The following ARHGEF28 variants were observed in gnomAD, a reference collection of about 807,000 sequenced individuals.
The protein encoded by ARHGEF28 is Rho guanine nucleotide exchange factor 28, also known as 190 kDa guanine nucleotide exchange factor.
In ARHGEF28, 152 loss-of-function variants were observed where a neutral mutation model predicts 206.6. That is an observed-to-expected ratio of 0.74 (90% CI 0.64 to 0.84). ARHGEF28 has a LOEUF of 0.84. Ranked by LOEUF, ARHGEF28 falls within the 40% of genes least tolerant of loss-of-function variation. The pLI, the probability that ARHGEF28 is intolerant of heterozygous loss-of-function variation, is 0.00. For missense variants in ARHGEF28, 2,028 were observed against 2,073.2 expected (o/e 0.98, Z 0.42); for synonymous variants, 763 against 776.4 (o/e 0.98, Z 0.29).
chr5:73,847,075 C>T (rs1375061322), intron 12 of ARHGEF28, among the ~76,000 whole-genome samples: 4 of 151,972 alleles, frequency 2.6e-5, no homozygotes, highest in Non-Finnish European at 5.9e-5. Context: ...AAATACATTG[C>T]TCTGAATGTA....
In ARHGEF28 at chr5:73,867,866, TG is replaced by T. The variant is rs1759808044; in HGVS notation, c.2153-9del. 1 of 1,613,870 alleles carries T rather than the reference TG, an allele frequency of 6.2e-7. No homozygotes were observed. Among genetic ancestry groups the T allele is most frequent in the Admixed American group, 1.7e-5 (1 of 60,004 alleles). ...TGGAAACCACATGAAGCATCTGTTC[TG>T]ATTTCCAGATTCTTCATTTAGAGAC... On this transcript the variant is annotated splice_polypyrimidine_tract_variant and intron_variant, in intron 18 of 35. Coordinates refer to ENST00000513042, the MANE Select transcript of ARHGEF28 (RefSeq NM_001177693.2).
chr5:73,928,407 C>T (rs2112009227), intron 35 of ARHGEF28, among the ~76,000 whole-genome samples: 1 of 152,214 alleles, frequency 6.6e-6, no homozygotes, highest in Non-Finnish European at 1.5e-5. Context: ...CATAGTCCTA[C>T]TCTTTCTCAA....
At chr5:73,664,657 T>C (rs1745833920) in intron 1 of ARHGEF28, among the ~76,000 whole-genome samples, 1 of 152,200 alleles carries the variant, frequency 6.6e-6, no homozygotes, top group Non-Finnish European at 1.5e-5. Context: ...TATGAGCTCC[T>C]CTTCCTCTAG....
At position 73,937,765 on chromosome 5, in the gene ARHGEF28, G is replaced by A. The variant is rs116286012; in HGVS notation, c.4949-3079G>A. ...TCAGTGAGGTTTAATATTAACAAATGTTTTTTCAGTTTAGGGTTCTATATG... is the reference window on the plus strand; with the variant it reads ...TCAGTGAGGTTTAATATTAACAAATATTTTTTCAGTTTAGGGTTCTATATG... On this transcript the variant is annotated intron_variant, in intron 35 of 35. Transcript: ENST00000513042. Among the ~76,000 whole-genome samples, 318 of 152,246 alleles carry A rather than the reference G, an allele frequency of 2.1e-3. 2 individuals are homozygous for A. Among genetic ancestry groups the A allele is most frequent in the African/African-American group, 7.3e-3 (305 of 41,538 alleles).
intron 1 of ARHGEF28, among the ~76,000 whole-genome samples, chr5:73,651,743 T>C (rs1473122432): frequency 2.0e-5 from 3 of 152,232 alleles, no homozygotes; most frequent in African/African-American, 7.2e-5. Context: ...TCTGTTTCTG[T>C]ATTATTCTCA....
Position 73,845,986 on chromosome 5 carries a change from CAAAAAAAAAAAAAA to C in ARHGEF28, c.1428-271_1428-258del, listed in dbSNP as rs57600570. ...CTAGGCAACAAGAACAAAACTGTCT[CAAAAAAAAAAAAAA>C]AAAAAAAAAAGAAAGAAAGAAAGAA... On this transcript the variant is annotated intron_variant, in intron 11 of 35. Transcript: ENST00000513042. 4.7e-5 allele frequency among the ~76,000 whole-genome samples: 3 copies of C among 63,736 alleles called. No individual in the cohort carries two copies. The South Asian group carries it at 1.8e-3, about 38-fold the overall frequency. 41.8% of individuals were successfully genotyped at this position (63,736 alleles called of 152,430 possible). A position where few individuals can be genotyped will look rare whatever the true frequency, so the allele number is the denominator to read the frequency against.
intron 21 of ARHGEF28, among the ~76,000 whole-genome samples, chr5:73,871,286 T>A (rs192315094): frequency 1.1e-3 from 166 of 152,304 alleles, no homozygotes; most frequent in Middle Eastern, 3.4e-3. Flanking sequence ...AGGAAAATCA[T>A]TCCTATTTTC....
intron 5 of ARHGEF28, 130 bp downstream of exon 5, chr5:73,774,168 A>G (rs577587633): frequency 9.4e-6 from 7 of 744,538 alleles, no homozygotes; most frequent in South Asian, 5.6e-5. Flanking sequence ...ATGCATATAT[A>G]TAGATCATAT....
At chr5:73,881,683 T>A (rs1760961952) in intron 22 of ARHGEF28, among the ~76,000 whole-genome samples, 1 of 152,234 alleles carries the variant, frequency 6.6e-6, no homozygotes, top group Admixed American at 6.5e-5. Flanking sequence ...TCCATTACAA[T>A]GCTCTTCAAG....
At chr5:73,866,954 T>C (rs1759745477) in intron 18 of ARHGEF28, among the ~76,000 whole-genome samples, 1 of 152,188 alleles carries the variant, frequency 6.6e-6, no homozygotes, top group Non-Finnish European at 1.5e-5. Context: ...CAACATGCTA[T>C]TGGGTGTAAT....
At chr5:73,748,180 TTTG>T (rs1751836235) in intron 2 of ARHGEF28, among the ~76,000 whole-genome samples, 1 of 152,184 alleles carries the variant, frequency 6.6e-6, no homozygotes, top group Non-Finnish European at 1.5e-5. Context: ...ATGTTAGACA[TTTG>T]TTGTTTTTTG....
At chr5:73,933,684 G>A (rs1580124770) in intron 35 of ARHGEF28, among the ~76,000 whole-genome samples, 1 of 152,154 alleles carries the variant, frequency 6.6e-6, no homozygotes, top group Non-Finnish European at 1.5e-5. Context: ...TCTGCCCACA[G>A]CCAGTCTTAA....
chr5:73,778,171 T>C (rs913281378), intron 6 of ARHGEF28: 1 of 152,164 alleles, frequency 6.6e-6, no homozygotes, highest in Non-Finnish European at 1.5e-5. Context: ...GGCAGACGCT[T>C]GGTTTTGCCA....
intron 2 of ARHGEF28, among the ~76,000 whole-genome samples, chr5:73,735,677 A>G (rs1023986915): frequency 3.9e-5 from 6 of 152,208 alleles, no homozygotes; most frequent in African/African-American, 1.4e-4. Context: ...TGTAAAATGC[A>G]AATCTGATTG....
In ARHGEF28 at chr5:73,887,612, CTCTACT is replaced by C. The variant is rs866638149; in HGVS notation, c.3325_3330del (p.Leu1109_Leu1110del). 1 of 1,564,990 alleles carries C rather than the reference CTCTACT, an allele frequency of 6.4e-7. No individual in the cohort carries two copies. Among genetic ancestry groups the C allele is most frequent in the Non-Finnish European group, 8.7e-7 (1 of 1,153,942 alleles). ...TGTTTTTTCTTTAAAGATATCCTAG[CTCTACT>C]TCTAACTGATGTGCTGCTCTTTTTA... On this transcript the variant is annotated inframe_deletion, in exon 26 of 36. Coordinates refer to ENST00000513042, the MANE Select transcript of ARHGEF28 (RefSeq NM_001177693.2).
chr5:73,823,750 G>T (rs1294250885), intron 9 of ARHGEF28, among the ~76,000 whole-genome samples: 1 of 152,040 alleles, frequency 6.6e-6, no homozygotes, highest in Non-Finnish European at 1.5e-5. Flanking sequence ...CATTTTCTTT[G>T]GTTCAAAATA....
chr5:73,801,177 G>T (rs1047651116), intron 9 of ARHGEF28, among the ~76,000 whole-genome samples: 8 of 152,100 alleles, frequency 5.3e-5, no homozygotes, highest in South Asian at 2.1e-4. Context: ...CCGGGCGCGG[G>T]GGCTCACGCC....
chr5:73,880,408 A>G (rs2931413), intron 22 of ARHGEF28, among the ~76,000 whole-genome samples: 95,386 of 151,642 alleles, frequency 0.63, 31,251 homozygotes, highest in African/African-American at 0.82. Flanking sequence ...GCCCTGCTTC[A>G]GCTCACGCAT....
chr5:73,704,672 G>A (rs1748822526), intron 2 of ARHGEF28, among the ~76,000 whole-genome samples: 1 of 152,102 alleles, frequency 6.6e-6, no homozygotes. Context: ...TGATCCACCT[G>A]CCTCAGCCTC....
Sources: gnomAD v4.1 joint callset for allele counts (sites outside exome capture counted in the v4.1 genomes callset) on GRCh38, gnomAD v4.1.1 for gene constraint, MANE v1.5 for transcripts, NCBI Gene and HGNC (gene_info 2026-07-23, HGNC 2026-07-21) for gene names.